PAH: variants seen among roughly 807,000 people sequenced by gnomAD.
PAH encodes the protein phenylalanine hydroxylase, also known as phenylalanine-4-hydroxylase.
PAH carries 64 observed loss-of-function variants against 62.0 expected under a neutral mutation model. The ratio of observed to expected loss-of-function variants is 1.03; its 90% CI spans 0.84 to 1.27. The LOEUF is 1.27. Among genes scored for constraint, PAH ranks in the 50% most tolerant of loss-of-function variants. PAH has a pLI of 0.00. For synonymous variants in PAH, 195 were observed against 196.2 expected, an observed-to-expected ratio of 0.99 and a Z score of 0.05; for missense variants, 579 against 542.8, an observed-to-expected ratio of 1.07 and a Z score of -0.66.
intron 5 of PAH, among the ~76,000 whole-genome samples, chr12:102,860,841 G>T (rs547857114): frequency 1.7e-4 from 26 of 152,218 alleles, no homozygotes; most frequent in Admixed American, 1.2e-3. Flanking sequence ...ATTCAAGATG[G>T]ATTAAAGACT....
upstream of PAH, among the ~76,000 whole-genome samples, chr12:102,918,933 A>T (rs1444472794): frequency 7.0e-6 from 1 of 143,622 alleles, no homozygotes; most frequent in African/African-American, 2.7e-5. Context: ...GAGGGCAATG[A>T]ATGTGACAAC....
chr12:102,851,807 G>T, intron 7 of PAH, 51 bp from the exon 8 acceptor site: 1 of 1,379,174 alleles, frequency 7.3e-7, no homozygotes, highest in Non-Finnish European at 1.0e-6. Context: ...TTTAAGCCAA[G>T]CCAGACTCAG....
rs199475571 is a variant in PAH at position 102,877,532 on chromosome 12, G to A, written c.371C>T (p.Thr124Ile). The change falls in exon 4 of 13, where the codon ACC (threonine) becomes ATC (isoleucine). Residue 124 changes from threonine to isoleucine, a missense_variant. Transcript: ENST00000553106. The part of the protein sequence containing the change: ...KKDTVPWFPR[T>I]IQELDRFANQ... ...GGCAAATCTGTCCAGCTCTTGAATGGTTCTTGGGAACCAGGGCACTGAAAC... is the reference window on the plus strand; with the variant it reads ...GGCAAATCTGTCCAGCTCTTGAATGATTCTTGGGAACCAGGGCACTGAAAC... 1.2e-6 allele frequency: 2 copies of A among 1,613,904 alleles called. No individual in the cohort carries two copies. The highest frequency in any genetic ancestry group is 1.7e-6 in the Non-Finnish European group (2 of 1,179,966).
At chr12:102,935,376 C>T (rs543690315) in intron 1 of PAH, among the ~76,000 whole-genome samples, 4 of 151,928 alleles carry the variant, frequency 2.6e-5, no homozygotes, top group Non-Finnish European at 5.9e-5. Context: ...GTGTTTTTAT[C>T]TGGTTTTGGT....
chr12:102,871,509 T>C (rs1258515081), intron 4 of PAH, among the ~76,000 whole-genome samples: 3 of 152,200 alleles, frequency 2.0e-5, no homozygotes, highest in African/African-American at 7.2e-5. Flanking sequence ...TGTATGTTTC[T>C]CGTTTCAGAT....
chr12:102,851,104 G>T (rs59832296), intron 8 of PAH, among the ~76,000 whole-genome samples: 1 of 129,602 alleles, frequency 7.7e-6, no homozygotes. Flanking sequence ...AAAAAAAAAA[G>T]AAAGAAAAAG....
chr12:102,871,358 T>C (rs1028324635), intron 4 of PAH, among the ~76,000 whole-genome samples: 1 of 152,200 alleles, frequency 6.6e-6, no homozygotes, highest in Non-Finnish European at 1.5e-5. Context: ...CACACCATGC[T>C]CTTTCCCACA....
intron 1 of PAH, among the ~76,000 whole-genome samples, chr12:102,928,882 A>G (rs1878762669): frequency 6.6e-6 from 1 of 152,140 alleles, no homozygotes; most frequent in African/African-American, 2.4e-5. Context: ...CCACTTTTCT[A>G]GGTTCTATGA....
chr12:102,869,483 G>A (rs1031272537), intron 4 of PAH, among the ~76,000 whole-genome samples: 3 of 152,048 alleles, frequency 2.0e-5, no homozygotes, highest in African/African-American at 4.8e-5. Context: ...ATGTGAGAAC[G>A]GGTTTCTTTT....
chr12:102,951,188 A>G, upstream of PAH, among the ~76,000 whole-genome samples: 1 of 152,152 alleles, frequency 6.6e-6, no homozygotes, highest in African/African-American at 2.4e-5. Context: ...ATTATTTATT[A>G]TGCCGTCACG....
At chr12:102,890,912 G>A (rs908435326) in intron 3 of PAH, among the ~76,000 whole-genome samples, 3 of 152,144 alleles carry the variant, frequency 2.0e-5, no homozygotes, top group East Asian at 1.9e-4. Flanking sequence ...GCGAAACCCC[G>A]TCTCTACTAA....
chr12:102,855,047 C>T, intron 6 of PAH, 89 bp downstream of exon 6: 1 of 1,033,458 alleles, frequency 9.7e-7, no homozygotes, highest in Non-Finnish European at 1.5e-6. Context: ...TTCATACTTG[C>T]CTCCACATAC....
chr12:102,949,910 GC>G (rs1051064613), intron 1 of PAH, among the ~76,000 whole-genome samples: 17 of 152,108 alleles, frequency 1.1e-4, no homozygotes, highest in Non-Finnish European at 2.4e-4. Flanking sequence ...TGTATTGAAG[GC>G]ACTCATTGTG....
chr12:102,916,012 C>G (rs116626204), intron 1 of PAH, among the ~76,000 whole-genome samples: 15 of 152,034 alleles, frequency 9.9e-5, no homozygotes, highest in African/African-American at 3.6e-4. Context: ...TTGTGGGGAC[C>G]GTATTGCCAG....
intron 1 of PAH, among the ~76,000 whole-genome samples, chr12:102,944,524 A>G (rs1448164037): frequency 6.6e-6 from 1 of 152,184 alleles, no homozygotes; most frequent in East Asian, 1.9e-4. Context: ...CTGCTTCGTC[A>G]ATTATCTTAT....
chr12:102,845,165 C>T (rs551454389), intron 9 of PAH, among the ~76,000 whole-genome samples: 9 of 152,308 alleles, frequency 5.9e-5, no homozygotes, highest in East Asian at 3.9e-4. Context: ...CCTGTGATCA[C>T]GTCTCTGTGT....
chr12:102,889,297 A>C (rs1425118177), intron 3 of PAH, among the ~76,000 whole-genome samples: 1 of 152,172 alleles, frequency 6.6e-6, no homozygotes, highest in African/African-American at 2.4e-5. Flanking sequence ...GCAATGTTGA[A>C]GCAGAAGAAA....
At position 102,867,950 on chromosome 12, in the gene PAH, C is replaced by CATATATAGATGTATATATACATGT. The variant is rs1565854407; in HGVS notation, c.442-1311_442-1288dup. ...ATAGATGTATATATACATGTATATA[C>CATATATAGATGTATATATACATGT]ATATATAGATGTATATATACATGTA... On this transcript the variant is annotated intron_variant, in intron 4 of 12. Coordinates refer to ENST00000553106, the MANE Select transcript of PAH (RefSeq NM_000277.3). 7.0e-4 allele frequency among the ~76,000 whole-genome samples: 67 copies of CATATATAGATGTATATATACATGT among 95,932 alleles called. 11 individuals are homozygous for CATATATAGATGTATATATACATGT. Among genetic ancestry groups the CATATATAGATGTATATATACATGT allele is most frequent in the African/African-American group, 1.9e-3 (57 of 29,830 alleles). 62.9% of individuals were successfully genotyped at this position (95,932 alleles called of 152,430 possible).
At chr12:102,921,394 C>T (rs912828883), upstream of PAH, among the ~76,000 whole-genome samples, 1 of 152,160 alleles carries the variant, frequency 6.6e-6, no homozygotes, top group Non-Finnish European at 1.5e-5. Flanking sequence ...GCAATAATTT[C>T]TGTTAGCTCT....
Sources: allele counts gnomAD v4.1 joint callset (sites outside exome capture counted in the v4.1 genomes callset), GRCh38; gene constraint gnomAD v4.1.1; transcripts MANE v1.5; gene names NCBI Gene and HGNC (gene_info 2026-07-23, HGNC 2026-07-21).